FAM161A: variants seen among roughly 807,000 people sequenced by gnomAD.
The protein encoded by FAM161A is FAM161 centrosomal protein A, also known as protein FAM161A.
FAM161A carries 57 observed loss-of-function variants against 70.9 expected under a neutral mutation model. That is an observed-to-expected ratio of 0.80 (90% CI 0.65 to 1.00). FAM161A has a LOEUF of 1.00. Among genes scored for constraint, FAM161A ranks in the 50% least tolerant of loss-of-function variants. The probability of loss-of-function intolerance (pLI) is 0.00; values close to 1 mark genes in which losing one functional copy is unlikely to be tolerated. For synonymous variants in FAM161A, 299 were observed against 295.7 expected, an observed-to-expected ratio of 1.01 and a Z score of -0.12; for missense variants, 880 against 836.0, an observed-to-expected ratio of 1.05 and a Z score of -0.65.
rs1672624899 is a variant in FAM161A, at chr2:61,832,656, C to T, written c.1851+3354G>A. ...AGCAGTGGGAGGGCGAGCATTATGG[C>T]CTGAGCCCTGCCTCCTACAGCGTTA... On this transcript the variant is annotated intron_variant, in intron 5 of 6. Coordinates refer to ENST00000404929, the MANE Select transcript of FAM161A (RefSeq NM_001201543.2). Among the ~76,000 whole-genome samples, 6 of 152,274 alleles carry T rather than the reference C, an allele frequency of 3.9e-5. No homozygotes were observed. In the South Asian group the frequency reaches 1.2e-3, roughly 32 times the overall value.
At chr2:61,804,344 G>A in the FAM161A span, among the ~76,000 whole-genome samples, 5 of 152,116 alleles carry the variant, frequency 3.3e-5, no homozygotes, top group East Asian at 1.9e-4. Context: ...TGCCTTAACC[G>A]TCTGGGAATA....
intron 5 of FAM161A, among the ~76,000 whole-genome samples, chr2:61,831,394 C>A (rs1458575657): frequency 6.6e-6 from 1 of 152,030 alleles, no homozygotes; most frequent in Non-Finnish European, 1.5e-5. Context: ...AATAACATAT[C>A]AATCTGACCA....
At chr2:61,835,081 C>T (rs1327869689) in intron 5 of FAM161A, among the ~76,000 whole-genome samples, 1 of 152,200 alleles carries the variant, frequency 6.6e-6, no homozygotes, top group Admixed American at 6.5e-5. Context: ...CTTTGAGAGA[C>T]TGTAATGTGC....
At chr2:61,804,209 C>G in the FAM161A span, among the ~76,000 whole-genome samples, 70 of 152,264 alleles carry the variant, frequency 4.6e-4, no homozygotes, top group Non-Finnish European at 8.8e-4. Flanking sequence ...AGAGGTTACT[C>G]TCGTGGCCAT....
At chr2:61,853,824 G>A in intron 1 of FAM161A, 35 bp downstream of exon 1, 1 of 1,612,476 alleles carries the variant, frequency 6.2e-7, no homozygotes, top group Non-Finnish European at 8.5e-7. Flanking sequence ...CCCAGCCCAT[G>A]CGAGGTCCCA....
chr2:61,829,487 TTAGAAAAGTAAG>T (rs1672493047), intron 5 of FAM161A, among the ~76,000 whole-genome samples: 1 of 152,094 alleles, frequency 6.6e-6, no homozygotes, highest in African/African-American at 2.4e-5. Context: ...ATAATATTTT[TTAGAAAAGTAAG>T]TAAAAACCCA....
chr2:61,853,776 C>G, intron 1 of FAM161A, 83 bp downstream of exon 1: 1 of 1,532,020 alleles, frequency 6.5e-7, no homozygotes, highest in Non-Finnish European at 8.9e-7. Flanking sequence ...CCAGCCTGCC[C>G]TCAGCTGGGC....
chr2:61,818,318 A>G, the FAM161A span, among the ~76,000 whole-genome samples: 16 of 152,260 alleles, frequency 1.1e-4, no homozygotes, highest in Non-Finnish European at 2.2e-4. Context: ...GGTCTCCCAA[A>G]GTGTTGGGAT....
chr2:61,840,501 G>C lies in FAM161A; in HGVS notation c.503C>G (p.Ser168Cys), dbSNP rs398124427. ...FSEPDLGQSS[S>C]LYVSSSEEEL... ...CTCTTCAGAGGAGGACACATACAAG[G>C]AGGAAGACTGGCCTAAATCAGGCTC... Residue 168 changes from serine to cysteine, a missense_variant, in exon 3 of 7, where the codon TCC becomes TGC. Ser to Cys is a moderately radical substitution (Grantham distance 112). Transcript: ENST00000404929. 1.9e-6 allele frequency: 3 copies of C among 1,614,018 alleles called. No individual in the cohort carries two copies. The highest frequency in any genetic ancestry group is 2.5e-6 in the Non-Finnish European group (3 of 1,179,910).
In FAM161A at chr2:61,833,977, A is replaced by AT. The variant is rs549315048; in HGVS notation, c.1851+2032dup. On this transcript the variant is annotated intron_variant, in intron 5 of 6. Coordinates refer to ENST00000404929, the MANE Select transcript of FAM161A (RefSeq NM_001201543.2). ...GAGTTCAAGGTTCCAGTGAGCTATG[A>AT]TTGTACTACTGCACTGGCCTGGGCA... Among the ~76,000 whole-genome samples, 121 of 152,304 alleles carry AT rather than the reference A, an allele frequency of 7.9e-4. 2 individuals carry two copies. Among genetic ancestry groups the AT allele is most frequent in the Admixed American group, 2.0e-3 (31 of 15,296 alleles).
intron 5 of FAM161A, among the ~76,000 whole-genome samples, chr2:61,827,970 A>G (rs1672437950): frequency 6.6e-6 from 1 of 152,262 alleles, no homozygotes; most frequent in Non-Finnish European, 1.5e-5. Flanking sequence ...AAAGAAGCAA[A>G]GCACTGACAA....
At chr2:61,811,514 C>T in the FAM161A span, among the ~76,000 whole-genome samples, 1 of 152,140 alleles carries the variant, frequency 6.6e-6, no homozygotes, top group African/African-American at 2.4e-5. Flanking sequence ...GCTGCGATTA[C>T]AGGCGTGATC....
chr2:61,853,790 G>T (rs1048483493), intron 1 of FAM161A, 69 bp downstream of exon 1: 1 of 1,575,408 alleles, frequency 6.3e-7, no homozygotes, highest in Non-Finnish European at 8.7e-7. Flanking sequence ...GCTGGGCGGG[G>T]AACCGGACAG....
rs1387233590 is a variant in FAM161A, at chr2:61,835,821, C to A, written c.1851+189G>T. 3.9e-5 allele frequency: 23 copies of A among 587,622 alleles called. No homozygotes were observed. The South Asian group carries it at 4.7e-4, about 12-fold the overall frequency. 36.4% of individuals were successfully genotyped at this position (587,622 alleles called of 1,614,324 possible). ...CTGGGACTACAGGTGCACACCACCA[C>A]ACCTGGCTAAATGCTCGGATTTAAG... On this transcript the variant is annotated intron_variant, in intron 5 of 6. Coordinates refer to ENST00000404929, the MANE Select transcript of FAM161A (RefSeq NM_001201543.2).
rs768797886 is a variant in FAM161A at position 61,840,445 on chromosome 2, T to G, written c.559A>C (p.Arg187=). The G allele has an allele frequency of 2.5e-6, 4 of 1,613,984 alleles. No homozygotes were observed. In the African/African-American group the frequency reaches 5.3e-5, roughly 22 times the overall value. The part of the protein sequence containing the change: ...ELPNLEKEYP[R]KNRMMTYAKE... ...GCATAGGTCATCATTCTGTTTTTCC[T>G]AGGATACTCTTTTTCTAGGTTGGGT... Residue 187 remains arginine (R), a synonymous_variant, in exon 3 of 7, where the codon AGG becomes CGG. Coordinates refer to ENST00000404929, the MANE Select transcript of FAM161A (RefSeq NM_001201543.2).
rs773950650 is a variant in FAM161A, at chr2:61,854,047, C to G, written c.-6G>C. The G allele has an allele frequency of 2.5e-6, 4 of 1,600,440 alleles. No homozygotes were observed. In the Admixed American group the frequency reaches 7.0e-5, roughly 28 times the overall value. ...ACTCGGTGGGAGGTGGCCATCGCCCCGCCTCCGAGGCCTGAGCGCCTGCGC... is the reference window on the plus strand; with the variant it reads ...ACTCGGTGGGAGGTGGCCATCGCCCGGCCTCCGAGGCCTGAGCGCCTGCGC... On this transcript the variant is annotated 5_prime_UTR_variant, in exon 1 of 7. Transcript: ENST00000404929.
the FAM161A span, among the ~76,000 whole-genome samples, chr2:61,817,974 C>A: frequency 6.6e-6 from 1 of 151,976 alleles, no homozygotes; most frequent in Admixed American, 6.6e-5. Context: ...ACAACAAAAC[C>A]AAAACCAAAC....
At chr2:61,801,008 T>C in the FAM161A span, among the ~76,000 whole-genome samples, 1 of 150,678 alleles carries the variant, frequency 6.6e-6, no homozygotes, top group Non-Finnish European at 1.5e-5. Flanking sequence ...TTGGCCAGGC[T>C]GGTCTTGAAC....
At chr2:61,838,880 A>ATTTG (rs1553354078) in intron 3 of FAM161A, among the ~76,000 whole-genome samples, 175 bp from the exon 4 acceptor site, 1 of 143,176 alleles carries the variant, frequency 7.0e-6, no homozygotes, top group Non-Finnish European at 1.5e-5. Context: ...TTATTTATTT[A>ATTTG]TTTATTTATT....
Sources: allele counts gnomAD v4.1 joint callset (sites outside exome capture counted in the v4.1 genomes callset), GRCh38; gene constraint gnomAD v4.1.1; transcripts MANE v1.5; gene names NCBI Gene and HGNC (gene_info 2026-07-23, HGNC 2026-07-21).